Variants in LRP4 observed in about 807,000 individuals in gnomAD.
LRP4 encodes low-density lipoprotein receptor-related protein 4.
In LRP4, 95 loss-of-function variants were observed where a neutral mutation model predicts 220.3. That is an observed-to-expected ratio of 0.43 (90% CI 0.37 to 0.51). The LOEUF (loss-of-function observed/expected upper bound fraction) is 0.51, where lower values mean the gene tolerates loss of function less well. Ranked by LOEUF, LRP4 falls within the 20% of genes least tolerant of loss-of-function variation. LRP4 has a pLI of 0.00. For synonymous variants in LRP4, 903 were observed against 954.6 expected (o/e 0.95, Z 1.00); for missense variants, 1,925 against 2,567.0 (o/e 0.75, Z 5.40).
At position 46,870,922 on chromosome 11, in the gene LRP4, A is replaced by G. The variant is rs531468646; in HGVS notation, c.4692+603T>C. On this transcript the variant is annotated intron_variant, in intron 31 of 37. Transcript: ENST00000378623. ...GTGTCTATTTCAGGAGGATACTATT[A>G]TTAGGCTGATTTATTTTATAGATAA... is the stretch of plus-strand genomic sequence containing the variant. Among the ~76,000 whole-genome samples, 305 of 152,320 alleles carry G rather than the reference A, an allele frequency of 2.0e-3. 1 individual carries two copies. The highest frequency in any genetic ancestry group is 6.8e-3 in the Middle Eastern group (2 of 294).
At position 46,875,704 on chromosome 11, in the gene LRP4, G is replaced by A. The variant is rs1940994358; in HGVS notation, c.3700-23C>T. 2.5e-6 allele frequency: 4 copies of A among 1,612,416 alleles called. No individual in the cohort carries two copies. The highest frequency in any genetic ancestry group is 1.3e-5 in the African/African-American group (1 of 74,834). ...TCGCTGCAGAGGAAGGAGAGGGTGG[G>A]GGGTGGTGATCAGCAGATTGGGAAC... On this transcript the variant is annotated intron_variant, in intron 26 of 37. Transcript: ENST00000378623. The surrounding 1 kb of genome is among the most constrained non-coding windows in gnomAD (Gnocchi z 4.5).
intron 36 of LRP4, among the ~76,000 whole-genome samples, chr11:46,863,193 T>G (rs1940603102): frequency 6.6e-6 from 1 of 152,136 alleles, no homozygotes; most frequent in African/African-American, 2.4e-5. Context: ...AACCTTGAGA[T>G]GAGACTGTAA....
At chr11:46,864,367 G>T in intron 36 of LRP4, 81 bp downstream of exon 36, 1 of 1,089,676 alleles carries the variant, frequency 9.2e-7, no homozygotes, top group South Asian at 1.2e-5. Flanking sequence ...TTGATTCAGT[G>T]AACTGCAGAG....
intron 1 of LRP4, among the ~76,000 whole-genome samples, chr11:46,913,235 A>G (rs916659166): frequency 2.6e-5 from 4 of 152,226 alleles, no homozygotes; most frequent in Admixed American, 6.5e-5. Flanking sequence ...GAGGCGCCCA[A>G]GGGCACCTAG....
In LRP4 at chr11:46,878,782, G is replaced by A. The variant is rs1370822336; in HGVS notation, c.3136+125C>T. 2.9e-6 allele frequency: 4 copies of A among 1,391,294 alleles called. No individual in the cohort carries two copies. In the Admixed American group the frequency reaches 6.7e-5, roughly 23 times the overall value. The allele number at this position is 1,391,294 out of a possible 1,614,324, so 86.2% of individuals were successfully genotyped here. A position where few individuals can be genotyped will look rare whatever the true frequency, so the allele number is the denominator to read the frequency against. ...TCTAAAAGCCGTGAGTCTCTCCCCT[G>A]GGCCTCTAGAAGCAGCAGGACTCAT... On this transcript the variant is annotated intron_variant, in intron 22 of 37. Transcript: ENST00000378623.
At chr11:46,902,681 TCCGACACAGTTGA>T in intron 2 of LRP4, 89 bp downstream of exon 2, 3 of 1,387,064 alleles carry the variant, frequency 2.2e-6, no homozygotes, top group Non-Finnish European at 3.1e-6. Flanking sequence ...ACTCTCTGAG[TCCGACACAGTTGA>T]TGCAGAAAAT....
At chr11:46,900,442 G>A in intron 2 of LRP4, 64 bp from the exon 3 acceptor site, 1 of 982,710 alleles carries the variant, frequency 1.0e-6, no homozygotes, top group Admixed American at 1.7e-5. Flanking sequence ...GCTCAACTAG[G>A]CCAGATAGCC....
At chr11:46,897,022 G>A (rs1177600091) in intron 7 of LRP4, 28 bp from the exon 8 acceptor site, 1 of 1,613,956 alleles carries the variant, frequency 6.2e-7, no homozygotes. Context: ...TTAATGAAAG[G>A]TGGGCCCCAT....
rs760065771 is a variant in LRP4, at chr11:46,886,468, C to T, written c.2281G>A (p.Asp761Asn). ...AGTGGGATGACATCATCAGACAGGT[C>T]CTCTGTGTCAAAGCTGATTCGACGG... ...DIRRISFDTEDLSDDVIPLAD... is the reference protein window; with the variant it reads ...DIRRISFDTENLSDDVIPLAD... Residue 761 changes from aspartate to asparagine, a missense_variant, in exon 17 of 38, where the codon GAC becomes AAC. Transcript: ENST00000378623. 3 of 1,614,024 alleles carry T rather than the reference C, an allele frequency of 1.9e-6. No homozygotes were observed. The highest frequency in any genetic ancestry group is 3.3e-5 in the Admixed American group (2 of 60,006).
At position 46,875,638 on chromosome 11, in the gene LRP4, A is replaced by C. The variant is rs758655693; in HGVS notation, c.3743T>G (p.Leu1248Trp). ...ATATGGGTGCTGCACCGGTGACACC[A>C]ATGTATGCCGATTGGCACCATTCAG... ...ADLNGANRHTLVSPVQHPYGL... is the reference protein window; with the variant it reads ...ADLNGANRHTWVSPVQHPYGL... The change falls in exon 27 of 38, where the codon TTG becomes TGG. Residue 1248 changes from leucine (L) to tryptophan (W), a missense_variant. By Grantham distance (61) the Leu-to-Trp change is moderately conservative. Coordinates refer to ENST00000378623, the MANE Select transcript of LRP4 (RefSeq NM_002334.4). This position sits in a 1 kb window ranked among gnomAD's most constrained non-coding sequence, Gnocchi z 4.5. 1.1e-5 allele frequency: 17 copies of C among 1,614,156 alleles called. No homozygotes were observed. Among genetic ancestry groups the C allele is most frequent in the Non-Finnish European group, 1.4e-5 (17 of 1,180,020 alleles).
intron 34 of LRP4, among the ~76,000 whole-genome samples, chr11:46,866,946 A>G (rs1467991338): frequency 6.6e-6 from 1 of 152,018 alleles, no homozygotes; most frequent in African/African-American, 2.4e-5. Flanking sequence ...AAGAAAAAAG[A>G]AAAAAAAGAA....
In LRP4 at chr11:46,876,103, T is replaced by C. The variant is rs1941007563; in HGVS notation, c.3537-137A>G. The C allele has an allele frequency of 5.7e-6, 5 of 880,508 alleles. No homozygotes were observed. The Admixed American group carries it at 9.9e-5, about 17-fold the overall frequency. 54.5% of individuals were successfully genotyped at this position (880,508 alleles called of 1,614,324 possible). A position where few individuals can be genotyped will look rare whatever the true frequency, so the allele number is the denominator to read the frequency against. On this transcript the variant is annotated intron_variant, in intron 25 of 37. Coordinates refer to ENST00000378623, the MANE Select transcript of LRP4 (RefSeq NM_002334.4). Reference sequence around the variant, plus strand: ...AAAATTTTTGCTTGACAAAGTACTTTGCAAAATACTTCATGTGCATTATCT... The same window carrying C: ...AAAATTTTTGCTTGACAAAGTACTTCGCAAAATACTTCATGTGCATTATCT...
chr11:46,891,981 A>G (rs1014183203), intron 13 of LRP4, among the ~76,000 whole-genome samples: 1 of 152,062 alleles, frequency 6.6e-6, no homozygotes, highest in Non-Finnish European at 1.5e-5. Flanking sequence ...CCCAGGCTGG[A>G]GGTCACTGTT....
intron 13 of LRP4, among the ~76,000 whole-genome samples, chr11:46,892,250 G>A (rs1234369530): frequency 6.6e-6 from 1 of 151,958 alleles, no homozygotes; most frequent in African/African-American, 2.4e-5. Context: ...TAATTTTTAG[G>A]CTATAATAAT....
At chr11:46,907,181 T>A (rs1941775537) in intron 1 of LRP4, among the ~76,000 whole-genome samples, 1 of 152,232 alleles carries the variant, frequency 6.6e-6, no homozygotes, top group Non-Finnish European at 1.5e-5. Flanking sequence ...CACTTCACTA[T>A]GCTCTGGCCT....
rs564397733 is a variant in LRP4 at position 46,890,688 on chromosome 11, C to T, written c.1698-194G>A. 9.9e-5 allele frequency among the ~76,000 whole-genome samples: 15 copies of T among 152,064 alleles called. No homozygotes were observed. Among genetic ancestry groups the T allele is most frequent in the East Asian group, 1.9e-4 (1 of 5,150 alleles). On this transcript the variant is annotated intron_variant, in intron 13 of 37. Transcript: ENST00000378623. This position sits in a 1 kb window ranked among gnomAD's most constrained non-coding sequence, Gnocchi z 5.3. ...GGGCAGGTGAGATTACAGCTCACTG[C>T]GGCCTCAATCTCCTGGGCTCAGAAG...
intron 20 of LRP4, among the ~76,000 whole-genome samples, chr11:46,880,550 G>A (rs566416585): frequency 2.0e-5 from 3 of 152,138 alleles, no homozygotes; most frequent in Admixed American, 6.6e-5. Context: ...CTTGGGCCAG[G>A]AGGTCGCAGT....
Position 46,899,092 on chromosome 11 carries a change from C to T in LRP4, c.548-60G>A. 4.0e-6 allele frequency: 6 copies of T among 1,517,698 alleles called. No homozygotes were observed. The highest frequency in any genetic ancestry group is 4.5e-6 in the Non-Finnish European group (5 of 1,106,224). The allele number at this position is 1,517,698 out of a possible 1,614,324, so 94.0% of individuals were successfully genotyped here. Reference sequence around the variant, plus strand: ...CTCAGGCCTGGATGAAGGAGAGGGGCCCTGATTCCTCAAGCAGGCAGGATG... The same window carrying T: ...CTCAGGCCTGGATGAAGGAGAGGGGTCCTGATTCCTCAAGCAGGCAGGATG... On this transcript the variant is annotated intron_variant, in intron 5 of 37. Coordinates refer to ENST00000378623, the MANE Select transcript of LRP4 (RefSeq NM_002334.4). This position sits in a 1 kb window ranked among gnomAD's most constrained non-coding sequence, Gnocchi z 5.9.
intron 1 of LRP4, among the ~76,000 whole-genome samples, chr11:46,906,787 G>A (rs894224057): frequency 1.3e-5 from 2 of 152,076 alleles, no homozygotes; most frequent in African/African-American, 2.4e-5. Flanking sequence ...TTTCCCCCGC[G>A]CAGACTGTAG....
Sources: allele counts gnomAD v4.1 joint callset (sites outside exome capture counted in the v4.1 genomes callset), GRCh38; gene constraint gnomAD v4.1.1; non-coding constraint Gnocchi (gnomAD v3.1); transcripts MANE v1.5; gene names NCBI Gene and HGNC (gene_info 2026-07-23, HGNC 2026-07-21).